SNRNP27: variants seen among roughly 807,000 people sequenced by gnomAD.
The protein encoded by SNRNP27 is small nuclear ribonucleoprotein U4/U6.U5 subunit 27, also known as U4/U6.U5 small nuclear ribonucleoprotein 27 kDa protein.
Under a neutral mutation model 25.1 loss-of-function variants are expected in SNRNP27, and 22 were observed. The ratio of observed to expected loss-of-function variants is 0.88; its 90% CI spans 0.63 to 1.25. SNRNP27 has a LOEUF of 1.25. Ranked by LOEUF, SNRNP27 falls within the 50% of genes most tolerant of loss-of-function variation. SNRNP27 has a pLI of 0.00. For missense variants in SNRNP27, 150 were observed against 202.3 expected, an observed-to-expected ratio of 0.74 and a Z score of 1.57; for synonymous variants, 66 against 64.9, an observed-to-expected ratio of 1.02 and a Z score of -0.08.
intron 3 of SNRNP27, among the ~76,000 whole-genome samples, chr2:69,897,065 A>G (rs779766598): frequency 3.9e-5 from 6 of 152,114 alleles, no homozygotes; most frequent in Non-Finnish European, 5.9e-5. Flanking sequence ...AGAATATTCT[A>G]TTTTGGAAGT....
chr2:69,895,054 G>C (rs978665536), intron 1 of SNRNP27, 40 bp from the exon 2 acceptor site: 5 of 1,608,940 alleles, frequency 3.1e-6, no homozygotes, highest in Admixed American at 1.7e-5. Context: ...AGATATTTGA[G>C]GTAATTATCA....
At chr2:69,899,448 G>A (rs1297096118) in intron 4 of SNRNP27, among the ~76,000 whole-genome samples, 8 of 150,068 alleles carry the variant, frequency 5.3e-5, no homozygotes, top group Non-Finnish European at 1.0e-4. Context: ...TTATTTTTTC[G>A]AGACAGAGTC....
chr2:69,901,588 G>C (rs1048469759), intron 4 of SNRNP27, among the ~76,000 whole-genome samples: 12 of 152,196 alleles, frequency 7.9e-5, no homozygotes, highest in African/African-American at 2.9e-4. Context: ...GACCAACACA[G>C]CAGAATTGCT....
rs1409108014 is a variant in SNRNP27 at position 69,896,352 on chromosome 2, G to A, written c.156-84G>A. 4.0e-6 allele frequency: 5 copies of A among 1,260,178 alleles called. No individual in the cohort carries two copies. The African/African-American group carries it at 4.5e-5, about 11-fold the overall frequency. The allele number at this position is 1,260,178 out of a possible 1,614,324, so 78.1% of individuals were successfully genotyped here. On this transcript the variant is annotated intron_variant, in intron 2 of 5. Coordinates refer to ENST00000244227, the MANE Select transcript of SNRNP27 (RefSeq NM_006857.3). ...ATACGGAATGACTCGTGGTTCTGTG[G>A]AGCTCACCTCATGTATATCTGTGCT...
intron 2 of SNRNP27, among the ~76,000 whole-genome samples, chr2:69,895,912 A>G (rs1419285633): frequency 6.6e-6 from 1 of 151,504 alleles, no homozygotes; most frequent in African/African-American, 2.4e-5. Flanking sequence ...TCAAGTATGT[A>G]ATCAAGAATG....
At chr2:69,896,246 GA>G (rs1676597229) in intron 2 of SNRNP27, among the ~76,000 whole-genome samples, 189 bp from the exon 3 acceptor site, 1 of 152,222 alleles carries the variant, frequency 6.6e-6, no homozygotes, top group Non-Finnish European at 1.5e-5. Context: ...GAATGCAACT[GA>G]TGATTAAGCA....
rs1490485417 is a variant in SNRNP27 at position 69,898,262 on chromosome 2, C to G, written c.348+806C>G. 2.1e-5 allele frequency among the ~76,000 whole-genome samples: 2 copies of G among 97,486 alleles called. 1 individual carries two copies. Among genetic ancestry groups the G allele is most frequent in the East Asian group, 6.3e-4 (2 of 3,180 alleles). The allele number at this position is 97,486 out of a possible 152,430, so 64.0% of individuals were successfully genotyped here. A position where few individuals can be genotyped will look rare whatever the true frequency, so the allele number is the denominator to read the frequency against. On this transcript the variant is annotated intron_variant, in intron 4 of 5. Transcript: ENST00000244227. The stretch of plus-strand genomic sequence containing the variant: ...AGAGATGACATTGGGCAGCTGCATA[C>G]TTGTCTCATAGCTTAGAAGTGGGGT...
In SNRNP27 at chr2:69,901,178, AAAAAAAG is replaced by A. The variant is rs1227585323; in HGVS notation, c.349-1999_349-1993del. Among the ~76,000 whole-genome samples, 875 of 151,766 alleles carry A rather than the reference AAAAAAAG, an allele frequency of 5.8e-3. 6 individuals carry two copies. The highest frequency in any genetic ancestry group is 0.02 in the African/African-American group (826 of 41,390). On this transcript the variant is annotated intron_variant, in intron 4 of 5. Transcript: ENST00000244227. ...GCAGAGCAAGTCTCCATTTCAAAAA[AAAAAAAG>A]AAAGAAAGAAAGAAATAGAGGGTAC...
In SNRNP27 at chr2:69,897,468, G is replaced by T; in HGVS notation, c.348+12G>T. On this transcript the variant is annotated intron_variant, in intron 4 of 5. Coordinates refer to ENST00000244227, the MANE Select transcript of SNRNP27 (RefSeq NM_006857.3). ...TTGACTCCACAAAAGTAAGTAAAAC[G>T]TGCAACATTCTCATTTGAATTAATA... 1 of 1,575,788 alleles carries T rather than the reference G, an allele frequency of 6.3e-7. No homozygotes were observed. Among genetic ancestry groups the T allele is most frequent in the Non-Finnish European group, 8.7e-7 (1 of 1,146,024 alleles).
Position 69,895,234 on chromosome 2 carries a change from C to G in SNRNP27, c.155+20C>G. On this transcript the variant is annotated intron_variant, in intron 2 of 5. Transcript: ENST00000244227. ...CTCCCGGTAAGGGCAGAAAATAAGC[C>G]AAGAGTTTTATTTACCGAAAGTCCC... 6.2e-7 allele frequency: 1 copy of G among 1,609,048 alleles called. No individual in the cohort carries two copies. The highest frequency in any genetic ancestry group is 8.5e-7 in the Non-Finnish European group (1 of 1,178,468).
In SNRNP27 at chr2:69,898,793, A is replaced by G. The variant is rs550103463; in HGVS notation, c.348+1337A>G. ...TATGTGAGCTCTGTTTTGGAATTTA[A>G]TGAAGTTTATTTATCAGCTTTTTTC... On this transcript the variant is annotated intron_variant, in intron 4 of 5. Coordinates refer to ENST00000244227, the MANE Select transcript of SNRNP27 (RefSeq NM_006857.3). 6.6e-5 allele frequency among the ~76,000 whole-genome samples: 10 copies of G among 152,338 alleles called. No homozygotes were observed. The South Asian group carries it at 1.9e-3, about 28-fold the overall frequency.
Position 69,897,402 on chromosome 2 carries a change from G to A in SNRNP27, c.294G>A (p.Glu98=), listed in dbSNP as rs1349289444. Reference sequence around the variant, plus strand: ...AGGAAGACTTAGAGGGCAAAACAGAGGAAGAAATAGAAATGATGAAGTTAA... The same window carrying A: ...AGGAAGACTTAGAGGGCAAAACAGAAGAAGAAATAGAAATGATGAAGTTAA... ...ITEEDLEGKT[E]EEIEMMKLMG... is the part of the protein sequence containing the mutation. The change falls in exon 4 of 6, where the codon GAG becomes GAA. Residue 98 remains glutamate, a synonymous_variant. Transcript: ENST00000244227. The A allele has an allele frequency of 6.2e-7, 1 of 1,613,280 alleles. No individual in the cohort carries two copies. The highest frequency in any genetic ancestry group is 8.5e-7 in the Non-Finnish European group (1 of 1,179,718).
At chr2:69,894,973 C>A in intron 1 of SNRNP27, 121 bp from the exon 2 acceptor site, 1 of 1,404,004 alleles carries the variant, frequency 7.1e-7, no homozygotes, top group Non-Finnish European at 9.6e-7. Context: ...CCACCGCTCC[C>A]AGCCTCTTTT....
At chr2:69,896,676 G>GGT in intron 3 of SNRNP27, 128 bp downstream of exon 3, 1 of 675,396 alleles carries the variant, frequency 1.5e-6, no homozygotes, top group Non-Finnish European at 2.2e-6. Context: ...GTTTTTTTTG[G>GGT]TTTTTTTTTT....
chr2:69,897,265 G>GT, intron 3 of SNRNP27, 112 bp from the exon 4 acceptor site: 1 of 659,302 alleles, frequency 1.5e-6, no homozygotes, highest in Non-Finnish European at 2.6e-6. Flanking sequence ...TAATTGTTTT[G>GT]TGTGTTCTCT....
intron 5 of SNRNP27, among the ~76,000 whole-genome samples, chr2:69,903,781 CAT>C (rs1469082931): frequency 2.0e-5 from 3 of 152,122 alleles, no homozygotes; most frequent in Admixed American, 6.5e-5. Flanking sequence ...GATTATGAAT[CAT>C]GTGATTGAAA....
chr2:69,903,514 T>TG (rs903968268), intron 5 of SNRNP27: 7 of 364,668 alleles, frequency 1.9e-5, no homozygotes, highest in African/African-American at 1.5e-4. Context: ...TTCAAGTCTA[T>TG]GGGCTTTGAT....
At chr2:69,900,683 G>C (rs993790646) in intron 4 of SNRNP27, among the ~76,000 whole-genome samples, 3 of 152,316 alleles carry the variant, frequency 2.0e-5, no homozygotes, top group African/African-American at 7.2e-5. Context: ...GGGAGAGGGA[G>C]GAGGTGGGGG....
At chr2:69,902,440 T>G (rs746558435) in intron 4 of SNRNP27, among the ~76,000 whole-genome samples, 4 of 151,940 alleles carry the variant, frequency 2.6e-5, no homozygotes, top group Non-Finnish European at 4.4e-5. Context: ...TGCTGCTCCT[T>G]CTGCTGCTCT....
Sources: allele counts gnomAD v4.1 joint callset (sites outside exome capture counted in the v4.1 genomes callset), GRCh38; gene constraint gnomAD v4.1.1; transcripts MANE v1.5; gene names NCBI Gene and HGNC (gene_info 2026-07-23, HGNC 2026-07-21).